ATP2C2: variants seen among roughly 807,000 people sequenced by gnomAD.
The protein encoded by ATP2C2 is calcium-transporting ATPase type 2C member 2.
A neutral mutation model predicts 110.8 loss-of-function variants in ATP2C2; 171 were observed. That is an observed-to-expected ratio of 1.54 (90% CI 1.36 to 1.75). The LOEUF (loss-of-function observed/expected upper bound fraction) is 1.75. Ranked by LOEUF, ATP2C2 falls within the 40% of genes most tolerant of loss-of-function variation. The pLI, the probability that ATP2C2 is intolerant of heterozygous loss-of-function variation, is 0.00. For synonymous variants in ATP2C2, 804 were observed against 508.4 expected (o/e 1.58, Z -7.82); for missense variants, 1,963 against 1,235.0 (o/e 1.59, Z -8.84).
chr16:84,453,109 G>A (rs1449846850), intron 18 of ATP2C2, 29 bp from the exon 19 acceptor site: 6 of 1,577,938 alleles, frequency 3.8e-6, no homozygotes, highest in Non-Finnish European at 5.2e-6. Flanking sequence ...GGGCCTCAGA[G>A]CAGGCCCTCA....
At position 84,463,949 on chromosome 16, in the gene ATP2C2, G is replaced by A. The variant is rs1911663654; in HGVS notation, c.*217G>A. The A allele has an allele frequency of 3.6e-6, 2 of 550,354 alleles. No homozygotes were observed. The highest frequency in any genetic ancestry group is 6.5e-6 in the Non-Finnish European group (2 of 307,392). 34.1% of individuals were successfully genotyped at this position (550,354 alleles called of 1,614,324 possible). A position where few individuals can be genotyped will look rare whatever the true frequency, so the allele number is the denominator to read the frequency against. ...CCGCTGGCTGTGGGACAGACAGGGA[G>A]GGGCCTGTACAGAAACACCACACTG... On this transcript the variant is annotated 3_prime_UTR_variant, in exon 27 of 27. Coordinates refer to ENST00000262429, the MANE Select transcript of ATP2C2 (RefSeq NM_014861.4).
At chr16:84,392,743 G>A (rs1395770873) in intron 1 of ATP2C2, among the ~76,000 whole-genome samples, 2 of 152,182 alleles carry the variant, frequency 1.3e-5, no homozygotes, top group African/African-American at 4.8e-5. Context: ...GATTACGGGC[G>A]TGAGCCACTG....
In ATP2C2 at chr16:84,434,645, A is replaced by G. The variant is rs111917370; in HGVS notation, c.987-4521A>G. The stretch of plus-strand genomic sequence containing the variant: ...TGATTCTCCTGCCTCAGCCTCCCCA[A>G]GTAGCTGGGACTACAGGTGCTCGCT... On this transcript the variant is annotated intron_variant, in intron 11 of 26. Transcript: ENST00000262429. Among the ~76,000 whole-genome samples the G allele has an allele frequency of 8.7e-3, 1,326 of 151,648 alleles. 24 individuals are homozygous for G. Among genetic ancestry groups the G allele is most frequent in the African/African-American group, 0.031 (1,273 of 41,366 alleles).
intron 11 of ATP2C2, among the ~76,000 whole-genome samples, chr16:84,430,898 C>A (rs74038228): frequency 0.054 from 8,180 of 152,134 alleles, 237 homozygotes; most frequent in Middle Eastern, 0.075. Flanking sequence ...TCCTTGTCAG[C>A]AACCCAACCC....
chr16:84,376,446 G>A (rs914182913), intron 1 of ATP2C2, among the ~76,000 whole-genome samples: 5 of 152,062 alleles, frequency 3.3e-5, no homozygotes, highest in Non-Finnish European at 4.4e-5. Context: ...TAGACCAAGT[G>A]TGTTCAACCT....
chr16:84,461,898 G>T, intron 25 of ATP2C2, 86 bp downstream of exon 25: 1 of 1,607,666 alleles, frequency 6.2e-7, no homozygotes. Flanking sequence ...GCATTGAGCG[G>T]CTCTGGCTCA....
intron 4 of ATP2C2, among the ~76,000 whole-genome samples, chr16:84,409,877 G>A (rs75589308): frequency 0.064 from 9,668 of 152,182 alleles, 401 homozygotes; most frequent in Non-Finnish European, 0.094. Flanking sequence ...TACAAACACA[G>A]ACTCATTCCA....
intron 10 of ATP2C2, among the ~76,000 whole-genome samples, chr16:84,424,898 C>T (rs780716657): frequency 6.6e-6 from 1 of 152,116 alleles, no homozygotes; most frequent in African/African-American, 2.4e-5. Flanking sequence ...GGAGTGAGTA[C>T]CTAGTGGGGG....
intron 1 of ATP2C2, among the ~76,000 whole-genome samples, chr16:84,378,948 C>G (rs1002127601): frequency 6.6e-6 from 1 of 152,036 alleles, no homozygotes; most frequent in African/African-American, 2.4e-5. Context: ...CTCCTCTGGC[C>G]CTCACCTACT....
chr16:84,435,682 G>A (rs1908671536), intron 11 of ATP2C2, among the ~76,000 whole-genome samples: 1 of 146,256 alleles, frequency 6.8e-6, no homozygotes, highest in South Asian at 2.2e-4. Context: ...TTTAAATTAG[G>A]GAGTAAATAG....
chr16:84,405,133 C>G lies in ATP2C2; in HGVS notation c.216C>G (p.Asp72Glu), dbSNP rs773655282. Reference sequence around the variant, plus strand: ...TGCCTGACCTCTCCTTCCAGGTGGACTTACACACTGGGCTGTCGGAGTTCT... The same window carrying G: ...TGCCTGACCTCTCCTTCCAGGTGGAGTTACACACTGGGCTGTCGGAGTTCT... ...KEDLARAFCV[D>E]LHTGLSEFSV... Residue 72 changes from aspartate to glutamate, a missense_variant, in exon 3 of 27, where the codon GAC becomes GAG. By Grantham distance (45) the Asp-to-Glu change is conservative. Transcript: ENST00000262429. 7 of 1,613,606 alleles carry G rather than the reference C, an allele frequency of 4.3e-6. No individual in the cohort carries two copies. The highest frequency in any genetic ancestry group is 3.3e-5 in the Admixed American group (2 of 59,988).
chr16:84,463,846 G>A lies in ATP2C2; in HGVS notation c.*114G>A, dbSNP rs551219477. 46 of 951,938 alleles carry A rather than the reference G, an allele frequency of 4.8e-5. No individual in the cohort carries two copies. Among genetic ancestry groups the A allele is most frequent in the Middle Eastern group, 2.9e-4 (1 of 3,484 alleles). 59.0% of individuals were successfully genotyped at this position (951,938 alleles called of 1,614,324 possible). A position where few individuals can be genotyped will look rare whatever the true frequency, so the allele number is the denominator to read the frequency against. On this transcript the variant is annotated 3_prime_UTR_variant, in exon 27 of 27. Transcript: ENST00000262429. ...TAGGAGGCCGCAGCCTTCCATCACC[G>A]GATCAGTTTTTCCTCTTAGGAAAGC...
intron 7 of ATP2C2, among the ~76,000 whole-genome samples, chr16:84,419,194 T>G (rs1597801073): frequency 9.2e-6 from 1 of 109,238 alleles, no homozygotes; most frequent in African/African-American, 3.7e-5. Context: ...GGTGACAGAG[T>G]GAGACCCCAT....
At chr16:84,399,750 C>T (rs1263590285) in intron 2 of ATP2C2, among the ~76,000 whole-genome samples, 1 of 152,124 alleles carries the variant, frequency 6.6e-6, no homozygotes, top group African/African-American at 2.4e-5. Context: ...AAGCATTTAT[C>T]CTTTGTGTTA....
chr16:84,459,650 G>C, intron 23 of ATP2C2: 1 of 1,427,406 alleles, frequency 7.0e-7, no homozygotes, highest in Non-Finnish European at 9.5e-7. Context: ...CAACCTGCAT[G>C]GCTCATTCTC....
intron 17 of ATP2C2, among the ~76,000 whole-genome samples, chr16:84,449,090 C>T (rs1910021163): frequency 6.9e-6 from 1 of 145,908 alleles, no homozygotes; most frequent in African/African-American, 2.6e-5. Flanking sequence ...GAGCCAGTGC[C>T]ATCCCTGATG....
rs1159749273 is a variant in ATP2C2 at position 84,393,077 on chromosome 16, G to A, written c.100-5422G>A. ...GGTCATGGCAATGTCCTGATCAGCAGCGGGCACGGGCCCACTTGGAGAGAA... is the reference window on the plus strand; with the variant it reads ...GGTCATGGCAATGTCCTGATCAGCAACGGGCACGGGCCCACTTGGAGAGAA... On this transcript the variant is annotated intron_variant, in intron 1 of 26. Transcript: ENST00000262429. Among the ~76,000 whole-genome samples, 5 of 152,336 alleles carry A rather than the reference G, an allele frequency of 3.3e-5. 1 individual carries two copies. In the East Asian group the frequency reaches 9.6e-4, roughly 29 times the overall value.
chr16:84,371,558 A>G (rs771119697), intron 1 of ATP2C2, among the ~76,000 whole-genome samples: 5 of 152,238 alleles, frequency 3.3e-5, no homozygotes, highest in Admixed American at 1.3e-4. Flanking sequence ...TTTAGTTACT[A>G]GAAAAAGCTT....
At chr16:84,368,785 C>T (rs1370650554) in intron 1 of ATP2C2, 71 bp downstream of exon 1, 18 of 1,264,308 alleles carry the variant, frequency 1.4e-5, no homozygotes, top group Non-Finnish European at 1.9e-5. Flanking sequence ...CCGTCCCCGG[C>T]CCGAGACCCC....
Sources: allele counts gnomAD v4.1 joint callset (sites outside exome capture counted in the v4.1 genomes callset), GRCh38; gene constraint gnomAD v4.1.1; transcripts MANE v1.5; gene names NCBI Gene and HGNC (gene_info 2026-07-23, HGNC 2026-07-21).